GULP1: variants seen among roughly 807,000 people sequenced by gnomAD.
The protein encoded by GULP1 is GULP PTB domain containing engulfment adaptor 1.
Under a neutral mutation model 40.9 loss-of-function variants are expected in GULP1, and 19 were observed. The observed-to-expected ratio is 0.46, with a 90% CI of 0.32 to 0.68. GULP1 has a LOEUF of 0.68. Among genes scored for constraint, GULP1 ranks in the 30% least tolerant of loss-of-function variants. The probability of loss-of-function intolerance (pLI) is 0.03; values close to 1 mark genes in which losing one functional copy is unlikely to be tolerated. For missense variants in GULP1, 312 were observed against 362.2 expected, an observed-to-expected ratio of 0.86 and a Z score of 1.12; for synonymous variants, 119 against 117.6, an observed-to-expected ratio of 1.01 and a Z score of -0.08.
chr2:188,440,827 A>G (rs1163006791), intron 2 of GULP1, among the ~76,000 whole-genome samples: 1 of 152,256 alleles, frequency 6.6e-6, no homozygotes, highest in East Asian at 1.9e-4. Flanking sequence ...TTTGGTAGAA[A>G]AAAAGATAAG....
chr2:188,526,123 T>C (rs2153230749), intron 5 of GULP1, among the ~76,000 whole-genome samples: 1 of 152,300 alleles, frequency 6.6e-6, no homozygotes, highest in East Asian at 1.9e-4. Context: ...AACTCAGTTG[T>C]GCTCCCTTTA....
chr2:188,311,413 T>A (rs1220414390), intron 1 of GULP1, among the ~76,000 whole-genome samples: 2 of 152,160 alleles, frequency 1.3e-5, no homozygotes, highest in Non-Finnish European at 2.9e-5. Context: ...GTCAGGATGG[T>A]CTGTATGTCT....
rs1188569069 is a variant in GULP1 at position 188,352,233 on chromosome 2, C to T, written c.-171-31530C>T. Among the ~76,000 whole-genome samples, 3 of 152,034 alleles carry T rather than the reference C, an allele frequency of 2.0e-5. No individual in the cohort carries two copies. The East Asian group carries it at 5.8e-4, about 29-fold the overall frequency. ...TTTGAATTGAATAAAGCTGATTGCC[C>T]TCTCTAATGTGGGTGGGCCTCGTTC... On this transcript the variant is annotated intron_variant, in intron 1 of 11. Transcript: ENST00000409830.
chr2:188,316,486 A>T (rs2039092564), intron 1 of GULP1, among the ~76,000 whole-genome samples: 1 of 152,104 alleles, frequency 6.6e-6, no homozygotes, highest in Admixed American at 6.6e-5. Context: ...ATAAAGGAAG[A>T]GTAATTACTT....
Position 188,573,177 on chromosome 2 carries a change from G to A in GULP1, c.609+3057G>A, listed in dbSNP as rs78629503. ...AAATGGTTTAAAAAACATTGTTACA[G>A]CATTTGCTAATGTGTTTCCTATTAA... On this transcript the variant is annotated intron_variant, in intron 9 of 11. Coordinates refer to ENST00000409830, the MANE Select transcript of GULP1 (RefSeq NM_016315.4). 2.3e-3 allele frequency among the ~76,000 whole-genome samples: 356 copies of A among 152,198 alleles called. 1 individual carries two copies. Among genetic ancestry groups the A allele is most frequent in the African/African-American group, 8.0e-3 (334 of 41,544 alleles).
At chr2:188,332,937 T>C (rs1417180074) in intron 1 of GULP1, among the ~76,000 whole-genome samples, 2 of 152,076 alleles carry the variant, frequency 1.3e-5, no homozygotes, top group Non-Finnish European at 1.5e-5. Context: ...AGCTTTTGTA[T>C]TGTGGCAGCA....
intron 1 of GULP1, among the ~76,000 whole-genome samples, chr2:188,357,458 C>T (rs1367433948): frequency 3.4e-4 from 51 of 152,070 alleles, no homozygotes; most frequent in Admixed American, 3.3e-3. Context: ...CGCTTGACAT[C>T]GCTAGTCATC....
chr2:188,534,223 C>T (rs572964290), intron 6 of GULP1, among the ~76,000 whole-genome samples: 1 of 152,242 alleles, frequency 6.6e-6, no homozygotes, highest in South Asian at 2.1e-4. Flanking sequence ...ATAGCAAAAA[C>T]ATGGAATCAA....
At chr2:188,493,463 T>G (rs2062605262) in intron 4 of GULP1, among the ~76,000 whole-genome samples, 1 of 152,008 alleles carries the variant, frequency 6.6e-6, no homozygotes, top group Non-Finnish European at 1.5e-5. Context: ...GTTAGAACAT[T>G]TTCTTCTTTT....
intron 7 of GULP1, among the ~76,000 whole-genome samples, chr2:188,562,931 A>G (rs1473787218): frequency 6.6e-6 from 1 of 152,172 alleles, no homozygotes; most frequent in Admixed American, 6.5e-5. Context: ...CACCCTTTAT[A>G]TAACTATAGC....
intron 2 of GULP1, among the ~76,000 whole-genome samples, chr2:188,403,351 A>T (rs762518480): frequency 2.0e-5 from 3 of 152,142 alleles, no homozygotes; most frequent in Non-Finnish European, 4.4e-5. Flanking sequence ...AGATAGTAAC[A>T]CATAAATATA....
At chr2:188,315,058 A>G (rs2038854670) in intron 1 of GULP1, among the ~76,000 whole-genome samples, 1 of 152,150 alleles carries the variant, frequency 6.6e-6, no homozygotes, top group South Asian at 2.1e-4. Flanking sequence ...TGAAATGCTT[A>G]CTTTAAGTGA....
chr2:188,515,700 CACACAG>C (rs945038023), intron 4 of GULP1, among the ~76,000 whole-genome samples: 3 of 141,368 alleles, frequency 2.1e-5, no homozygotes, highest in Admixed American at 1.4e-4. Flanking sequence ...CACACTTACA[CACACAG>C]ACACACACAC....
chr2:188,401,628 T>G (rs1301749952), intron 2 of GULP1, among the ~76,000 whole-genome samples: 1 of 152,158 alleles, frequency 6.6e-6, no homozygotes, highest in Non-Finnish European at 1.5e-5. Flanking sequence ...TTATACCATC[T>G]GAGCCAAGTA....
chr2:188,501,547 T>C (rs1383438306), intron 4 of GULP1, among the ~76,000 whole-genome samples: 1 of 151,968 alleles, frequency 6.6e-6, no homozygotes, highest in Non-Finnish European at 1.5e-5. Context: ...GATGGCATGA[T>C]TTTAGAGTAT....
chr2:188,592,714 A>G (rs556123413), intron 11 of GULP1: 3 of 152,214 alleles, frequency 2.0e-5, no homozygotes, highest in Non-Finnish European at 4.4e-5. Context: ...CCTCCTCTAT[A>G]TGATGATGTT....
chr2:188,341,471 G>T (rs930473332), intron 1 of GULP1, among the ~76,000 whole-genome samples: 2 of 152,044 alleles, frequency 1.3e-5, no homozygotes, highest in African/African-American at 4.8e-5. Flanking sequence ...ATTGAGATGG[G>T]ACAGTTATCA....
At chr2:188,362,006 A>C (rs184947898) in intron 1 of GULP1, among the ~76,000 whole-genome samples, 1 of 152,200 alleles carries the variant, frequency 6.6e-6, no homozygotes, top group Admixed American at 6.5e-5. Flanking sequence ...TTTAAAAAGT[A>C]AAAATTATTT....
chr2:188,431,878 A>T (rs2056910491), intron 2 of GULP1, among the ~76,000 whole-genome samples: 1 of 151,770 alleles, frequency 6.6e-6, no homozygotes, highest in Non-Finnish European at 1.5e-5. Context: ...TCTCTTACTT[A>T]CTGGTTTCTT....
Sources: allele counts gnomAD v4.1 joint callset (sites outside exome capture counted in the v4.1 genomes callset), GRCh38; gene constraint gnomAD v4.1.1; transcripts MANE v1.5; gene names NCBI Gene and HGNC (gene_info 2026-07-23, HGNC 2026-07-21).